The following APPBP2 variants were observed in gnomAD, a reference collection of about 807,000 sequenced individuals.
The protein encoded by APPBP2 is amyloid beta precursor protein binding protein 2, also known as amyloid protein-binding protein 2.
APPBP2 carries 15 observed loss-of-function variants against 76.0 expected under a neutral mutation model. That is an observed-to-expected ratio of 0.20 (90% CI 0.13 to 0.30). APPBP2 has a LOEUF of 0.30. Ranked by LOEUF, APPBP2 falls within the 10% of genes least tolerant of loss-of-function variation. The pLI, the probability that APPBP2 is intolerant of heterozygous loss-of-function variation, is 1.00. For synonymous variants in APPBP2, 222 were observed against 242.2 expected (o/e 0.92, Z 0.77); for missense variants, 401 against 687.2 (o/e 0.58, Z 4.66).
intron 4 of APPBP2, among the ~76,000 whole-genome samples, chr17:60,474,113 C>G (rs950636788): frequency 3.3e-5 from 5 of 152,024 alleles, no homozygotes; most frequent in South Asian, 2.1e-4. Flanking sequence ...TTATCCAACT[C>G]TTAAAACTAT....
intron 9 of APPBP2, 33 bp from the exon 10 acceptor site, chr17:60,456,414 T>C (rs772924570): frequency 6.0e-6 from 8 of 1,332,378 alleles, no homozygotes; most frequent in Non-Finnish European, 8.6e-6. Context: ...CTGGCATTTC[T>C]TTTTAGTTAC....
At chr17:60,505,612 G>C (rs1297645884) in intron 1 of APPBP2, among the ~76,000 whole-genome samples, 1 of 149,530 alleles carries the variant, frequency 6.7e-6, no homozygotes, top group Non-Finnish European at 1.5e-5. Flanking sequence ...ATCGCGCCTG[G>C]CCCATAATCC....
At chr17:60,524,388 T>G (rs2091033516) in intron 1 of APPBP2, among the ~76,000 whole-genome samples, 1 of 152,046 alleles carries the variant, frequency 6.6e-6, no homozygotes, top group South Asian at 2.1e-4. Flanking sequence ...TGGGGAGGAA[T>G]GTATCTTAAA....
intron 12 of APPBP2, among the ~76,000 whole-genome samples, chr17:60,448,195 C>A (rs1176214514): frequency 6.6e-6 from 1 of 152,202 alleles, no homozygotes; most frequent in Non-Finnish European, 1.5e-5. Context: ...GTAATCCCAG[C>A]ACTTTGGGAG....
At chr17:60,497,752 T>C (rs1484560454) in intron 2 of APPBP2, among the ~76,000 whole-genome samples, 1 of 152,138 alleles carries the variant, frequency 6.6e-6, no homozygotes, top group Non-Finnish European at 1.5e-5. Flanking sequence ...TTATTAGAGA[T>C]CAGCAGTATT....
intron 1 of APPBP2, among the ~76,000 whole-genome samples, chr17:60,523,672 T>A (rs981003483): frequency 2.0e-5 from 3 of 152,276 alleles, no homozygotes; most frequent in East Asian, 3.9e-4. Flanking sequence ...CTATTTTTTT[T>A]AAATTTTAAT....
At chr17:60,510,447 C>T (rs1165144291) in intron 1 of APPBP2, among the ~76,000 whole-genome samples, 2 of 151,764 alleles carry the variant, frequency 1.3e-5, no homozygotes, top group Admixed American at 1.3e-4. Context: ...TGATGTTGGG[C>T]GTGGTGGGTC....
rs1012378451 is a variant in APPBP2 at position 60,502,875 on chromosome 17, A to G, written c.139-2388T>C. Among the ~76,000 whole-genome samples, 10 of 146,564 alleles carry G rather than the reference A, an allele frequency of 6.8e-5. 2 individuals are homozygous for G. Among genetic ancestry groups the G allele is most frequent in the African/African-American group, 2.8e-4 (10 of 36,090 alleles). ...CAAAAAAAACAAAAAAAGAATAAAC[A>G]AAAACAAGTTATACAACTACTTTGC... is the stretch of plus-strand genomic sequence containing the variant. On this transcript the variant is annotated intron_variant, in intron 1 of 12. Transcript: ENST00000083182.
rs1455033848 is a variant in APPBP2 at position 60,479,914 on chromosome 17, C to G, written c.380-643G>C. Among the ~76,000 whole-genome samples the G allele has an allele frequency of 2.0e-5, 3 of 152,100 alleles. No homozygotes were observed. In the East Asian group the frequency reaches 5.8e-4, roughly 29 times the overall value. On this transcript the variant is annotated intron_variant, in intron 3 of 12. Transcript: ENST00000083182. ...AACACACCTTCGACTTAAATAACTG[C>G]CCCAACGTAACAGATGAAAACACTT...
chr17:60,520,701 AGTAGTTAAAATAAAAAGATC>A (rs1452461070), intron 1 of APPBP2, among the ~76,000 whole-genome samples: 1 of 152,174 alleles, frequency 6.6e-6, no homozygotes, highest in African/African-American at 2.4e-5. Context: ...ATAGACCTTC[AGTAGTTAAAATAAAAAGATC>A]ATAAACTTCA....
At chr17:60,523,086 C>T (rs1310042682) in intron 1 of APPBP2, among the ~76,000 whole-genome samples, 1 of 151,806 alleles carries the variant, frequency 6.6e-6, no homozygotes, top group Non-Finnish European at 1.5e-5. Context: ...AATTTGATTC[C>T]ACAAATACTC....
At chr17:60,480,135 AT>A (rs1404415094) in intron 3 of APPBP2, among the ~76,000 whole-genome samples, 1 of 152,096 alleles carries the variant, frequency 6.6e-6, no homozygotes. Context: ...TCTAAAACAC[AT>A]TTTTTTGCAC....
chr17:60,455,914 A>G (rs928168487), intron 10 of APPBP2, among the ~76,000 whole-genome samples: 4 of 152,116 alleles, frequency 2.6e-5, no homozygotes, highest in African/African-American at 9.7e-5. Flanking sequence ...AGTAGCTGGG[A>G]TTACAGGTGC....
intron 1 of APPBP2, among the ~76,000 whole-genome samples, chr17:60,519,627 C>G (rs1031196870): frequency 6.6e-6 from 1 of 151,540 alleles, no homozygotes; most frequent in Non-Finnish European, 1.5e-5. Context: ...TATGCCACTG[C>G]ACTACAGCCT....
At chr17:60,450,049 G>A (rs945028269) in intron 12 of APPBP2, among the ~76,000 whole-genome samples, 5 of 151,666 alleles carry the variant, frequency 3.3e-5, no homozygotes, top group Admixed American at 6.6e-5. Context: ...CACCTGCCTC[G>A]GCCTCCCAAA....
intron 1 of APPBP2, among the ~76,000 whole-genome samples, chr17:60,512,355 G>A (rs930338264): frequency 2.0e-5 from 3 of 151,678 alleles, no homozygotes; most frequent in African/African-American, 4.8e-5. Flanking sequence ...CGCCCGCCTC[G>A]GCCTCCCAAA....
intron 1 of APPBP2, among the ~76,000 whole-genome samples, chr17:60,508,320 TA>T (rs2090885745): frequency 6.6e-6 from 1 of 152,284 alleles, no homozygotes; most frequent in East Asian, 1.9e-4. Flanking sequence ...CTTCTAGCAA[TA>T]TGGCACATAG....
chr17:60,478,269 G>C (rs900962377), intron 4 of APPBP2, among the ~76,000 whole-genome samples: 16 of 152,034 alleles, frequency 1.1e-4, no homozygotes, highest in Middle Eastern at 3.4e-3. Flanking sequence ...AATCAAATTG[G>C]GGGACAAAGA....
chr17:60,484,998 T>C (rs1255549294), intron 3 of APPBP2, among the ~76,000 whole-genome samples: 1 of 152,242 alleles, frequency 6.6e-6, no homozygotes, highest in Non-Finnish European at 1.5e-5. Flanking sequence ...GTTTATGTTA[T>C]GGATTACGTT....
Sources: gnomAD v4.1 joint callset for allele counts (sites outside exome capture counted in the v4.1 genomes callset) on GRCh38, gnomAD v4.1.1 for gene constraint, MANE v1.5 for transcripts, NCBI Gene and HGNC (gene_info 2026-07-23, HGNC 2026-07-21) for gene names.